TMEM62: variants seen among roughly 807,000 people sequenced by gnomAD.
TMEM62 encodes transmembrane protein 62.
Under a neutral mutation model 70.4 loss-of-function variants are expected in TMEM62, and 41 were observed. That is an observed-to-expected ratio of 0.58 (90% confidence interval 0.45 to 0.76). The LOEUF (loss-of-function observed/expected upper bound fraction) is 0.76. Among genes scored for constraint, TMEM62 ranks in the 30% least tolerant of loss-of-function variants. TMEM62 has a pLI of 0.00. For synonymous variants in TMEM62, 268 were observed against 291.0 expected, an observed-to-expected ratio of 0.92 and a Z score of 0.80; for missense variants, 688 against 788.5, an observed-to-expected ratio of 0.87 and a Z score of 1.53.
At chr15:43,165,093 T>C (rs1320981741) in intron 10 of TMEM62, among the ~76,000 whole-genome samples, 1 of 152,176 alleles carries the variant, frequency 6.6e-6, no homozygotes, top group Non-Finnish European at 1.5e-5. Flanking sequence ...ACCTGAATAT[T>C]GATATATTTC....
intron 3 of TMEM62, 27 bp from the exon 4 acceptor site, chr15:43,138,547 T>C (rs998556866): frequency 3.9e-6 from 6 of 1,521,800 alleles, no homozygotes; most frequent in East Asian, 4.5e-5. Flanking sequence ...TGGATGAATG[T>C]TTGCTTTTTT....
At chr15:43,152,042 A>G in intron 8 of TMEM62, 97 bp downstream of exon 8, 3 of 895,328 alleles carry the variant, frequency 3.4e-6, no homozygotes, top group Non-Finnish European at 3.2e-6. Context: ...GAGATGCCCC[A>G]TTTTAGTTTT....
intron 6 of TMEM62, 24 bp from the exon 7 acceptor site, chr15:43,148,996 GTTCATTTAT>G: frequency 6.2e-7 from 1 of 1,611,834 alleles, no homozygotes; most frequent in Non-Finnish European, 8.5e-7. Context: ...CGTTATCTTT[GTTCATTTAT>G]TTCATTTATT....
intron 10 of TMEM62, among the ~76,000 whole-genome samples, chr15:43,162,821 A>C (rs919372148): frequency 2.0e-5 from 3 of 152,084 alleles, no homozygotes; most frequent in Admixed American, 6.5e-5. Context: ...CTTGTAACTA[A>C]GTTTTTAGAT....
At chr15:43,176,382 T>G (rs2040747649) in intron 11 of TMEM62, among the ~76,000 whole-genome samples, 1 of 152,168 alleles carries the variant, frequency 6.6e-6, no homozygotes, top group Non-Finnish European at 1.5e-5. Context: ...GACTGCCTCC[T>G]CAAGTGGGTC....
At chr15:43,171,873 C>T (rs370933923) in intron 11 of TMEM62, among the ~76,000 whole-genome samples, 34 of 152,086 alleles carry the variant, frequency 2.2e-4, no homozygotes, top group Admixed American at 1.3e-4. Flanking sequence ...ATGATCCACC[C>T]GCCTCAGCCT....
chr15:43,172,415 G>A lies in TMEM62; in HGVS notation c.1381+2738G>A, dbSNP rs577825599. On this transcript the variant is annotated intron_variant, in intron 11 of 13. Coordinates refer to ENST00000260403, the MANE Select transcript of TMEM62 (RefSeq NM_024956.4). ...ATCAGTTTTACAGCATGTGAATTTC[G>A]GGTGTTCACCTAAGTAGAAATCTTA... 6.6e-5 allele frequency among the ~76,000 whole-genome samples: 10 copies of A among 152,132 alleles called. No individual in the cohort carries two copies. In the East Asian group the frequency reaches 7.7e-4, roughly 12 times the overall value.
chr15:43,149,998 A>T (rs1390472963), intron 7 of TMEM62, among the ~76,000 whole-genome samples: 1 of 152,348 alleles, frequency 6.6e-6, no homozygotes, highest in South Asian at 2.1e-4. Context: ...GAAATAGTTT[A>T]TCAAGTTTTG....
At chr15:43,145,398 G>A (rs1314511076) in intron 4 of TMEM62, among the ~76,000 whole-genome samples, 1 of 151,728 alleles carries the variant, frequency 6.6e-6, no homozygotes, top group East Asian at 2.0e-4. Flanking sequence ...GTAGAGATGG[G>A]GTTTCACCAT....
chr15:43,165,503 G>A (rs2039289440), intron 10 of TMEM62, among the ~76,000 whole-genome samples: 1 of 152,102 alleles, frequency 6.6e-6, no homozygotes, highest in African/African-American at 2.4e-5. Flanking sequence ...GGAGGCCGAG[G>A]TGGGCGGATC....
chr15:43,165,534 A>C (rs4924709), intron 10 of TMEM62, among the ~76,000 whole-genome samples: 132,673 of 151,970 alleles, frequency 0.87, 58,091 homozygotes, highest in Middle Eastern at 0.92. Context: ...GAGATAGAGA[A>C]CATCCTGGCT....
intron 2 of TMEM62, among the ~76,000 whole-genome samples, chr15:43,135,267 AC>A (rs1265950496): frequency 2.0e-5 from 3 of 152,178 alleles, no homozygotes; most frequent in Non-Finnish European, 4.4e-5. Flanking sequence ...TTTTTTAACA[AC>A]CCATTTCGAA....
chr15:43,166,245 TTTC>T (rs1223778343), intron 10 of TMEM62, among the ~76,000 whole-genome samples: 1 of 152,192 alleles, frequency 6.6e-6, no homozygotes, highest in Non-Finnish European at 1.5e-5. Context: ...AGTCTTTTGT[TTTC>T]TTTTCTTTTT....
intron 13 of TMEM62, 103 bp downstream of exon 13, chr15:43,181,402 C>A: frequency 4.0e-6 from 3 of 758,228 alleles, no homozygotes; most frequent in Non-Finnish European, 6.8e-6. Context: ...TACCATAGAT[C>A]ATCTTTCCTA....
chr15:43,154,873 G>T (rs758674115), intron 9 of TMEM62, 42 bp downstream of exon 9: 2 of 1,486,616 alleles, frequency 1.3e-6, no homozygotes, highest in Non-Finnish European at 9.0e-7. Flanking sequence ...TGATTAAGCT[G>T]TAGCCACAAT....
In TMEM62 at chr15:43,167,909, G is replaced by A. The variant is rs192195900; in HGVS notation, c.1297-1684G>A. 3.9e-3 allele frequency among the ~76,000 whole-genome samples: 590 copies of A among 152,268 alleles called. 2 individuals are homozygous for A. The highest frequency in any genetic ancestry group is 0.014 in the African/African-American group (563 of 41,562). ...GGCCGAGGCTGGCGGATCACTCATG[G>A]TTAGGAGCTGGAGACCAGCCCGGCC... On this transcript the variant is annotated intron_variant, in intron 10 of 13. Transcript: ENST00000260403.
At chr15:43,166,674 C>T (rs1044775016) in intron 10 of TMEM62, among the ~76,000 whole-genome samples, 1 of 151,864 alleles carries the variant, frequency 6.6e-6, no homozygotes, top group Admixed American at 6.6e-5. Flanking sequence ...ACAAAGGTCT[C>T]TGGTTTTCCT....
At chr15:43,136,739 G>A (rs2035276531) in intron 3 of TMEM62, among the ~76,000 whole-genome samples, 7 of 151,854 alleles carry the variant, frequency 4.6e-5, no homozygotes, top group Admixed American at 4.6e-4. Context: ...TTACAGGCGT[G>A]AGCCACCACG....
In TMEM62 at chr15:43,160,543, A is replaced by AAACAACAACAAC. The variant is rs199988098; in HGVS notation, c.1183-123_1183-112dup. On this transcript the variant is annotated intron_variant, in intron 9 of 13. Coordinates refer to ENST00000260403, the MANE Select transcript of TMEM62 (RefSeq NM_024956.4). ...CTGGACAACAGAGAGAAACCTTGAA[A>AAACAACAACAAC]AACAACAACAACAACAACAACAACA... The AAACAACAACAAC allele has an allele frequency of 1.5e-5, 9 of 595,622 alleles. No individual in the cohort carries two copies. In the African/African-American group the frequency reaches 1.5e-4, roughly 10 times the overall value. The allele number at this position is 595,622 out of a possible 1,614,324, so 36.9% of individuals were successfully genotyped here.
Sources: gnomAD v4.1 joint callset for allele counts (sites outside exome capture counted in the v4.1 genomes callset) on GRCh38, gnomAD v4.1.1 for gene constraint, MANE v1.5 for transcripts, NCBI Gene and HGNC (gene_info 2026-07-23, HGNC 2026-07-21) for gene names.